RBFOX2: variants seen among roughly 807,000 people sequenced by gnomAD.
The protein encoded by RBFOX2 is RNA binding protein fox-1 homolog 2.
In RBFOX2, 10 loss-of-function variants were observed where a neutral mutation model predicts 49.1. The observed-to-expected ratio is 0.20, with a 90% CI of 0.13 to 0.35. The LOEUF is 0.35. Among genes scored for constraint, RBFOX2 ranks in the 10% least tolerant of loss-of-function variants. The pLI is 1.00. For missense variants in RBFOX2, 323 were observed against 486.9 expected, an observed-to-expected ratio of 0.66 and a Z score of 3.17; for synonymous variants, 183 against 187.4, an observed-to-expected ratio of 0.98 and a Z score of 0.19.
intron 1 of RBFOX2, among the ~76,000 whole-genome samples, chr22:35,909,260 C>A (rs963985042): frequency 2.6e-5 from 4 of 151,986 alleles, no homozygotes; most frequent in African/African-American, 9.7e-5. Context: ...GAATTTGAGA[C>A]CAGCCTAAGC....
intron 1 of RBFOX2, chr22:35,997,991 G>A (rs903959596): frequency 3.9e-5 from 6 of 152,018 alleles, no homozygotes; most frequent in African/African-American, 1.5e-4. Context: ...GACAGAGTGC[G>A]ACCCTGTCTC....
chr22:35,746,605 C>G (rs577059015), intron 9 of RBFOX2, 44 bp from the exon 12 acceptor site: 54 of 1,299,860 alleles, frequency 4.2e-5, no homozygotes, highest in Non-Finnish European at 5.1e-5. Flanking sequence ...CCTCTCCCCC[C>G]AGGTGTACAG....
chr22:35,927,604 C>CAAAAAA (rs361700), intron 1 of RBFOX2, among the ~76,000 whole-genome samples: 3 of 49,176 alleles, frequency 6.1e-5, no homozygotes, highest in Non-Finnish European at 8.0e-5. Flanking sequence ...AACTCCGTCT[C>CAAAAAA]AAAAAAAAAA....
chr22:35,879,236 G>C (rs185535023), intron 1 of RBFOX2, among the ~76,000 whole-genome samples: 47 of 152,262 alleles, frequency 3.1e-4, no homozygotes, highest in Admixed American at 3.0e-3. Context: ...TGCATCCCTG[G>C]ATTCAACCAA....
At position 36,028,231 on chromosome 22, in the gene RBFOX2, C is replaced by T. The variant is rs766987292; in HGVS notation, c.186+9G>A. 1 of 1,502,964 alleles carries T rather than the reference C, an allele frequency of 6.7e-7. No individual in the cohort carries two copies. The highest frequency in any genetic ancestry group is 8.8e-7 in the Non-Finnish European group (1 of 1,134,106). 93.1% of individuals were successfully genotyped at this position (1,502,964 alleles called of 1,614,324 possible). ...CGCAATAACTGGGCGCCCCGTCCCGCGCGGTCACCTGCATCCCGCCGCCAC... is the reference window on the plus strand; with the variant it reads ...CGCAATAACTGGGCGCCCCGTCCCGTGCGGTCACCTGCATCCCGCCGCCAC... On this transcript the variant is annotated intron_variant, in intron 1 of 13. Coordinates refer to the RBFOX2 transcript ENST00000438146.
At chr22:35,834,320 C>T (rs540487173) in intron 1 of RBFOX2, among the ~76,000 whole-genome samples, 5 of 152,230 alleles carry the variant, frequency 3.3e-5, no homozygotes, top group Admixed American at 1.3e-4. Context: ...GTGCTTAGAA[C>T]GGTATCTGAT....
At chr22:35,950,746 A>G (rs1265922638) in intron 1 of RBFOX2, among the ~76,000 whole-genome samples, 2 of 152,056 alleles carry the variant, frequency 1.3e-5, no homozygotes, top group African/African-American at 4.8e-5. Context: ...GTTTGGTGGT[A>G]TTGAGGGAGA....
upstream of RBFOX2, among the ~76,000 whole-genome samples, chr22:35,841,087 A>C (rs1400734052): frequency 1.3e-5 from 2 of 152,218 alleles, no homozygotes; most frequent in Non-Finnish European, 2.9e-5. Context: ...GGAGACTCTG[A>C]AAAAGGTGTC....
chr22:35,994,420 T>TA, intron 1 of RBFOX2: 1 of 151,580 alleles, frequency 6.6e-6, no homozygotes, highest in African/African-American at 2.4e-5. Context: ...TTTATTTATT[T>TA]TTTGAGATAG....
chr22:35,996,972 T>C (rs762205125), intron 1 of RBFOX2: 1 of 152,208 alleles, frequency 6.6e-6, no homozygotes, highest in Non-Finnish European at 1.5e-5. Flanking sequence ...GTCCAGATAC[T>C]GTGGTAAAAT....
At chr22:35,766,208 C>T (rs1721148481) in intron 5 of RBFOX2, among the ~76,000 whole-genome samples, 1 of 152,132 alleles carries the variant, frequency 6.6e-6, no homozygotes, top group South Asian at 2.1e-4. Context: ...GTAGGTGTTA[C>T]AAAGATGCTG....
At chr22:35,948,648 G>A (rs541049129) in intron 1 of RBFOX2, among the ~76,000 whole-genome samples, 2 of 152,236 alleles carry the variant, frequency 1.3e-5, no homozygotes, top group South Asian at 2.1e-4. Context: ...TTGTACCACA[G>A]CATTCTAGCC....
At chr22:35,813,978 A>G (rs761378273) in intron 1 of RBFOX2, among the ~76,000 whole-genome samples, 2 of 152,216 alleles carry the variant, frequency 1.3e-5, no homozygotes, top group Admixed American at 6.5e-5. Flanking sequence ...TATGCACTTA[A>G]TTTCCTTCTG....
At chr22:35,894,753 C>A (rs2047636731) in intron 1 of RBFOX2, among the ~76,000 whole-genome samples, 1 of 152,146 alleles carries the variant, frequency 6.6e-6, no homozygotes, top group Non-Finnish European at 1.5e-5. Context: ...CAGAACCTCG[C>A]AGCTTTCCAC....
chr22:36,001,615 T>C (rs989776176), intron 1 of RBFOX2, among the ~76,000 whole-genome samples: 1 of 151,752 alleles, frequency 6.6e-6, no homozygotes, highest in Admixed American at 6.6e-5. Flanking sequence ...ATTTAAAAAT[T>C]AGCCAGGCAT....
At chr22:35,961,536 C>T (rs996012161) in intron 1 of RBFOX2, 5 of 1,303,804 alleles carry the variant, frequency 3.8e-6, no homozygotes, top group Admixed American at 2.3e-5. Flanking sequence ...ACTCCACCAC[C>T]CCCCACACAC....
At chr22:35,969,304 G>A (rs1424187739) in intron 1 of RBFOX2, among the ~76,000 whole-genome samples, 1 of 152,090 alleles carries the variant, frequency 6.6e-6, no homozygotes, top group African/African-American at 2.4e-5. Flanking sequence ...CGGGCACAGT[G>A]GCTCACGCCT....
chr22:35,918,339 A>G, intron 1 of RBFOX2, among the ~76,000 whole-genome samples: 1 of 152,196 alleles, frequency 6.6e-6, no homozygotes, highest in African/African-American at 2.4e-5. Flanking sequence ...AATTAACAGG[A>G]ATCAACAGAA....
chr22:35,875,586 G>A (rs986502240), intron 1 of RBFOX2, among the ~76,000 whole-genome samples: 7 of 148,800 alleles, frequency 4.7e-5, no homozygotes, highest in Admixed American at 2.7e-4. Context: ...CATCAACTGC[G>A]AATTAATAAA....
Sources: allele counts gnomAD v4.1 joint callset (sites outside exome capture counted in the v4.1 genomes callset), GRCh38; gene constraint gnomAD v4.1.1; transcripts MANE v1.5; gene names NCBI Gene and HGNC (gene_info 2026-07-23, HGNC 2026-07-21).